The following CD5 variants were observed in gnomAD, a reference collection of about 807,000 sequenced individuals.
CD5 encodes the protein CD5 molecule, also known as T-cell surface glycoprotein CD5.
Under a neutral mutation model 60.3 loss-of-function variants are expected in CD5, and 36 were observed. That is an observed-to-expected ratio of 0.60 (90% CI 0.46 to 0.79). CD5 has a LOEUF of 0.79. CD5 is among the 30% of genes least tolerant of loss of function. The pLI, the probability that CD5 is intolerant of heterozygous loss-of-function variation, is 0.00. For synonymous variants in CD5, 230 were observed against 257.6 expected (o/e 0.89, Z 1.03); for missense variants, 540 against 630.6 (o/e 0.86, Z 1.54).
At chr11:61,105,723 G>A (rs1860767884) in intron 1 of CD5, among the ~76,000 whole-genome samples, 1 of 152,096 alleles carries the variant, frequency 6.6e-6, no homozygotes, top group African/African-American at 2.4e-5. Flanking sequence ...AGCATCTCCT[G>A]TGCATCCAGC....
chr11:61,101,046 T>C (rs867271584), upstream of CD5, among the ~76,000 whole-genome samples: 16 of 67,856 alleles, frequency 2.4e-4, no homozygotes, highest in African/African-American at 2.7e-4. Flanking sequence ...ACATGGAGAT[T>C]ACACACACAT....
At chr11:61,101,703 A>G (rs1459324809), upstream of CD5, among the ~76,000 whole-genome samples, 1 of 151,738 alleles carries the variant, frequency 6.6e-6, no homozygotes, top group East Asian at 1.9e-4. Context: ...ACACATCAAC[A>G]TGGAGATCAC....
rs758437111 is a variant in CD5, at chr11:61,125,803, C to G, written c.1452C>G (p.Asp484Glu). 6.2e-7 allele frequency: 1 copy of G among 1,612,832 alleles called. No homozygotes were observed. Among genetic ancestry groups the G allele is most frequent in the Non-Finnish European group, 8.5e-7 (1 of 1,179,222 alleles). ...RSSMQPDNSS[D>E]SDYDLHGAQR... ...CCATGCAGCCTGACAACTCCTCCGACAGTGACTATGATCTGCATGGGGCTC... is the reference window on the plus strand; with the variant it reads ...CCATGCAGCCTGACAACTCCTCCGAGAGTGACTATGATCTGCATGGGGCTC... Residue 484 changes from aspartate to glutamate, a missense_variant, in exon 10 of 11, where the codon GAC becomes GAG. Asp to Glu is a conservative substitution (Grantham distance 45). Transcript: ENST00000347785.
intron 2 of CD5, among the ~76,000 whole-genome samples, chr11:61,115,741 C>T (rs1860930143): frequency 2.0e-5 from 3 of 152,206 alleles, no homozygotes; most frequent in South Asian, 4.1e-4. Context: ...GGGATAACAT[C>T]GTGCTGAATG....
At position 61,102,533 on chromosome 11, in the gene CD5, A is replaced by G; in HGVS notation, c.-28A>G. 1 of 1,403,524 alleles carries G rather than the reference A, an allele frequency of 7.1e-7. No individual in the cohort carries two copies. The highest frequency in any genetic ancestry group is 9.5e-7 in the Non-Finnish European group (1 of 1,054,446). The allele number at this position is 1,403,524 out of a possible 1,614,324, so 86.9% of individuals were successfully genotyped here. On this transcript the variant is annotated 5_prime_UTR_variant, in exon 1 of 11. Transcript: ENST00000347785. The stretch of plus-strand genomic sequence containing the variant: ...CCTCACCTGCGGTGCCCAGCTGCCC[A>G]GGCTGAGGCAAGAGAAGGCCAGAAA...
chr11:61,112,247 G>C (rs1807853395), intron 1 of CD5, among the ~76,000 whole-genome samples: 1 of 152,190 alleles, frequency 6.6e-6, no homozygotes, highest in African/African-American at 2.4e-5. Flanking sequence ...GAGAGGTCAG[G>C]AGTGAGAGGT....
In CD5 at chr11:61,106,124, CAAAA is replaced by C. The variant is rs36003583; in HGVS notation, c.55+3526_55+3529del. Reference sequence around the variant, plus strand: ...TGGGCAACAGAGCAAGACTCCATCTCAAAAAAAAAAAAAAAAAAAAGGCACCCGA... The same window carrying C: ...TGGGCAACAGAGCAAGACTCCATCTCAAAAAAAAAAAAAAAAGGCACCCGA... On this transcript the variant is annotated intron_variant, in intron 1 of 10. Coordinates refer to ENST00000347785, the MANE Select transcript of CD5 (RefSeq NM_014207.4). Among the ~76,000 whole-genome samples the C allele has an allele frequency of 8.2e-4, 67 of 81,878 alleles. 1 individual carries two copies. The highest frequency in any genetic ancestry group is 2.8e-3 in the African/African-American group (62 of 21,868). 53.7% of individuals were successfully genotyped at this position (81,878 alleles called of 152,430 possible).
Position 61,122,897 on chromosome 11 carries a change from C to T in CD5, c.1100-10C>T. The stretch of plus-strand genomic sequence containing the variant: ...GACTGGGACTGACCTAACTCTTCCT[C>T]CTTCCCCAGGCCAGGATCCAAACCC... On this transcript the variant is annotated splice_polypyrimidine_tract_variant and intron_variant, in intron 6 of 10. Transcript: ENST00000347785. The T allele has an allele frequency of 6.2e-7, 1 of 1,608,838 alleles. No individual in the cohort carries two copies. The highest frequency in any genetic ancestry group is 8.5e-7 in the Non-Finnish European group (1 of 1,176,302).
chr11:61,100,336 C>G (rs62646346), upstream of CD5, among the ~76,000 whole-genome samples: 28,034 of 135,588 alleles, frequency 0.21, 3,069 homozygotes, highest in African/African-American at 0.24. Context: ...GGAGATCACA[C>G]ACACACATCA....
chr11:61,100,690 A>G (rs1453281313), upstream of CD5, among the ~76,000 whole-genome samples: 2 of 142,232 alleles, frequency 1.4e-5, no homozygotes, highest in Non-Finnish European at 1.5e-5. Context: ...ACACATCAAC[A>G]TGGAGATCAC....
chr11:61,103,995 G>A (rs777971243), intron 1 of CD5, among the ~76,000 whole-genome samples: 6 of 146,268 alleles, frequency 4.1e-5, no homozygotes, highest in East Asian at 2.1e-4. Context: ...GAGTCTGTGC[G>A]TGTGAGTCTG....
Position 61,119,548 on chromosome 11 carries a change from G to A in CD5, c.778G>A (p.Gly260Ser). 1 of 1,612,628 alleles carries A rather than the reference G, an allele frequency of 6.2e-7. No individual in the cohort carries two copies. The highest frequency in any genetic ancestry group is 1.1e-5 in the South Asian group (1 of 91,064). Residue 260 changes from glycine to serine, a missense_variant, in exon 5 of 11, where the codon GGC becomes AGC. Gly to Ser is a moderately conservative substitution (Grantham distance 56, BLOSUM62 0). Coordinates refer to ENST00000347785, the MANE Select transcript of CD5 (RefSeq NM_014207.4). ...CAGGAAAATCAAGCCCCAGAAAAGTGGCCGAGTTCTTGCCCTCCTTTGCTC... is the reference window on the plus strand; with the variant it reads ...CAGGAAAATCAAGCCCCAGAAAAGTAGCCGAGTTCTTGCCCTCCTTTGCTC... ...CFRKIKPQKSGRVLALLCSGF... is the reference protein window; with the variant it reads ...CFRKIKPQKSSRVLALLCSGF...
chr11:61,101,911 TACACAC>T (rs35648034), upstream of CD5, among the ~76,000 whole-genome samples: 2,004 of 142,360 alleles, frequency 0.014, 18 homozygotes, highest in East Asian at 0.036. Flanking sequence ...TCTCTCTCTC[TACACAC>T]ACACACACAC....
At chr11:61,125,217 G>A (rs534355736) in intron 9 of CD5, 66 bp downstream of exon 9, 74 of 1,590,910 alleles carry the variant, frequency 4.7e-5, no homozygotes, top group Middle Eastern at 3.3e-4. Context: ...GGCAGGTCAC[G>A]TGATGCCCTT....
chr11:61,102,975 G>A (rs906797063), intron 1 of CD5, among the ~76,000 whole-genome samples: 3 of 152,212 alleles, frequency 2.0e-5, no homozygotes, highest in East Asian at 3.8e-4. Flanking sequence ...CCCTCTGCGA[G>A]GTCCCCCACT....
upstream of CD5, among the ~76,000 whole-genome samples, chr11:61,100,658 T>A (rs1370089870): frequency 3.7e-5 from 3 of 80,770 alleles, no homozygotes; most frequent in African/African-American, 1.2e-4. Flanking sequence ...TACACACACA[T>A]CAACATGGAG....
chr11:61,121,449 A>G (rs933421349), intron 5 of CD5, among the ~76,000 whole-genome samples, 162 bp from the exon 6 acceptor site: 1 of 152,190 alleles, frequency 6.6e-6, no homozygotes, highest in Non-Finnish European at 1.5e-5. Flanking sequence ...AGGGTGCCAG[A>G]AGGAGGGAAG....
chr11:61,109,260 T>G (rs541846830), intron 1 of CD5, among the ~76,000 whole-genome samples: 1 of 152,346 alleles, frequency 6.6e-6, no homozygotes, highest in African/African-American at 2.4e-5. Context: ...GGGAGGCTAT[T>G]TATAATCTTG....
intron 1 of CD5, among the ~76,000 whole-genome samples, chr11:61,103,978 A>G (rs1223892661): frequency 1.0e-4 from 7 of 67,342 alleles, no homozygotes; most frequent in Admixed American, 2.1e-4. Context: ...TGTGGGGGGG[A>G]AAGTGTGAGT....
Sources: gnomAD v4.1 joint callset for allele counts (sites outside exome capture counted in the v4.1 genomes callset) on GRCh38, gnomAD v4.1.1 for gene constraint, MANE v1.5 for transcripts, NCBI Gene and HGNC (gene_info 2026-07-23, HGNC 2026-07-21) for gene names.